Variants in CACNG3 observed in about 807,000 individuals in gnomAD.
CACNG3 encodes the protein calcium voltage-gated channel auxiliary subunit gamma 3.
A neutral mutation model predicts 28.5 loss-of-function variants in CACNG3; 3 were observed. The ratio of observed to expected loss-of-function variants is 0.11; its 90% CI spans 0.05 to 0.27. The LOEUF is 0.27. CACNG3 is among the 10% of genes least tolerant of loss of function. The pLI is 1.00. For missense variants in CACNG3, 236 were observed against 414.4 expected (o/e 0.57, Z 3.74); for synonymous variants, 174 against 162.2 (o/e 1.07, Z -0.55).
intron 1 of CACNG3, among the ~76,000 whole-genome samples, chr16:24,327,850 GA>G (rs1257062775): frequency 3.9e-5 from 6 of 152,096 alleles, no homozygotes; most frequent in Middle Eastern, 3.4e-3. Flanking sequence ...GCTGAGGCAG[GA>G]AAATCACTTG....
At chr16:24,347,205 C>T (rs1316634935) in intron 2 of CACNG3, among the ~76,000 whole-genome samples, 1 of 152,100 alleles carries the variant, frequency 6.6e-6, no homozygotes, top group Non-Finnish European at 1.5e-5. Flanking sequence ...GTAGTCCTAG[C>T]TACTCAGGAG....
chr16:24,309,003 A>C (rs536637462), intron 1 of CACNG3, among the ~76,000 whole-genome samples: 12 of 152,218 alleles, frequency 7.9e-5, no homozygotes, highest in African/African-American at 2.9e-4. Flanking sequence ...GCAGCCCTTT[A>C]GATAGTTATT....
At chr16:24,269,429 T>G (rs1056829633) in intron 1 of CACNG3, among the ~76,000 whole-genome samples, 1 of 152,090 alleles carries the variant, frequency 6.6e-6, no homozygotes, top group Non-Finnish European at 1.5e-5. Flanking sequence ...TTCAGCAGCC[T>G]GTAGTTTGAG....
rs114116542 is a variant in CACNG3, at chr16:24,311,164, C to T, written c.212-35570C>T. On this transcript the variant is annotated intron_variant, in intron 1 of 3. Transcript: ENST00000005284. Reference sequence around the variant, plus strand: ...TGTCCCAATTTTGTCATCTGTAAAACGCGGACAGTGTTAATATCCCATGGG... The same window carrying T: ...TGTCCCAATTTTGTCATCTGTAAAATGCGGACAGTGTTAATATCCCATGGG... Among the ~76,000 whole-genome samples, 1,057 of 152,290 alleles carry T rather than the reference C, an allele frequency of 6.9e-3. 13 individuals carry two copies. The highest frequency in any genetic ancestry group is 0.024 in the African/African-American group (987 of 41,550).
At chr16:24,312,239 T>G (rs1899273642) in intron 1 of CACNG3, among the ~76,000 whole-genome samples, 2 of 152,204 alleles carry the variant, frequency 1.3e-5, no homozygotes, top group African/African-American at 4.8e-5. Flanking sequence ...CACAAGTCCC[T>G]CCAACTCTTC....
In CACNG3 at chr16:24,359,803, C is replaced by T. The variant is rs73556445; in HGVS notation, c.437-1549C>T. ...CCTTTAGCCCAGGAGGTTGAGGTTA[C>T]AATGAGCTATAATTGTTCCACTGCA... is the stretch of plus-strand genomic sequence containing the variant. On this transcript the variant is annotated intron_variant, in intron 3 of 3. Transcript: ENST00000005284. Among the ~76,000 whole-genome samples the T allele has an allele frequency of 9.6e-3, 1,454 of 152,192 alleles. 21 individuals carry two copies. The highest frequency in any genetic ancestry group is 0.033 in the African/African-American group (1,377 of 41,528).
intron 1 of CACNG3, among the ~76,000 whole-genome samples, chr16:24,276,484 T>C (rs183876046): frequency 1.7e-4 from 26 of 152,374 alleles, no homozygotes; most frequent in Middle Eastern, 6.8e-3. Flanking sequence ...ACTAACTTCA[T>C]ATAGTTGAGG....
At chr16:24,346,688 G>A (rs1899872840) in intron 1 of CACNG3, 46 bp from the exon 2 acceptor site, 2 of 1,432,860 alleles carry the variant, frequency 1.4e-6, no homozygotes, top group Non-Finnish European at 2.0e-6. Context: ...GGCCCCCAGA[G>A]CTCTGTCTCC....
intron 1 of CACNG3, among the ~76,000 whole-genome samples, chr16:24,288,554 G>A (rs1453026781): frequency 3.9e-5 from 6 of 152,128 alleles, no homozygotes; most frequent in South Asian, 2.1e-4. Flanking sequence ...CAGAAGGCCA[G>A]GCCTTTGGAA....
intron 1 of CACNG3, among the ~76,000 whole-genome samples, chr16:24,342,718 A>T (rs1389711116): frequency 6.6e-6 from 1 of 152,232 alleles, no homozygotes; most frequent in Non-Finnish European, 1.5e-5. Context: ...AATGGGCACG[A>T]TTGTGTTTCA....
intron 1 of CACNG3, among the ~76,000 whole-genome samples, chr16:24,257,381 GAGA>G (rs1898476918): frequency 1.4e-5 from 1 of 70,882 alleles, no homozygotes; most frequent in East Asian, 5.1e-4. Flanking sequence ...GAGAGAGAGA[GAGA>G]GAGAGAGAGA....
chr16:24,268,416 G>A (rs1329533832), intron 1 of CACNG3, among the ~76,000 whole-genome samples: 1 of 152,144 alleles, frequency 6.6e-6, no homozygotes, highest in African/African-American at 2.4e-5. Flanking sequence ...ACCTGGGCTG[G>A]TGGGTTGGGT....
rs547652837 is a variant in CACNG3 at position 24,296,485 on chromosome 16, C to A, written c.211+39520C>A. Among the ~76,000 whole-genome samples the A allele has an allele frequency of 3.9e-5, 6 of 152,248 alleles. No individual in the cohort carries two copies. In the South Asian group the frequency reaches 6.2e-4, roughly 16 times the overall value. On this transcript the variant is annotated intron_variant, in intron 1 of 3. Transcript: ENST00000005284. ...AGCTGCTCACGGGACTGTGGCGATA[C>A]TACCGTTATCTCTGAAGACACTCCT... is the stretch of plus-strand genomic sequence containing the variant.
In CACNG3 at chr16:24,346,803, C is replaced by A; in HGVS notation, c.281C>A (p.Ala94Asp). ...GATGCTGACTACGAACAGGACACAG[C>A]CGAATATCTCCTGCGTAAGTTCCCC... ...PEDADYEQDT[A>D]EYLLRAVRAS... The change falls in exon 2 of 4, where the codon GCC becomes GAC. Residue 94 changes from alanine to aspartate, a missense_variant. Coordinates refer to ENST00000005284, the MANE Select transcript of CACNG3 (RefSeq NM_006539.4). 1 of 1,613,808 alleles carries A rather than the reference C, an allele frequency of 6.2e-7. No individual in the cohort carries two copies. Among genetic ancestry groups the A allele is most frequent in the Non-Finnish European group, 8.5e-7 (1 of 1,179,672 alleles).
At chr16:24,289,135 C>T (rs1300445515) in intron 1 of CACNG3, among the ~76,000 whole-genome samples, 1 of 152,080 alleles carries the variant, frequency 6.6e-6, no homozygotes, top group Non-Finnish European at 1.5e-5. Flanking sequence ...TGGAAGTAAA[C>T]AGCATCCCTC....
intron 1 of CACNG3, among the ~76,000 whole-genome samples, chr16:24,268,947 A>G (rs567572178): frequency 6.6e-6 from 1 of 152,318 alleles, no homozygotes; most frequent in East Asian, 1.9e-4. Flanking sequence ...AACATAGACG[A>G]TGCGAATCTG....
chr16:24,262,793 A>G (rs772309366), intron 1 of CACNG3, among the ~76,000 whole-genome samples: 1 of 152,256 alleles, frequency 6.6e-6, no homozygotes, highest in Non-Finnish European at 1.5e-5. Context: ...CTTAGGAAGT[A>G]GATGCCTTGA....
intron 1 of CACNG3, among the ~76,000 whole-genome samples, chr16:24,303,680 G>A (rs143047098): frequency 1.3e-5 from 2 of 152,222 alleles, no homozygotes; most frequent in East Asian, 3.9e-4. Flanking sequence ...AGAATTGGGA[G>A]GCGGAGACAG....
At chr16:24,269,504 C>G (rs1022653593) in intron 1 of CACNG3, among the ~76,000 whole-genome samples, 11 of 152,168 alleles carry the variant, frequency 7.2e-5, no homozygotes, top group Admixed American at 1.3e-4. Flanking sequence ...GTGATCCCAG[C>G]AGTTTGGGAG....
Sources: gnomAD v4.1 joint callset for allele counts (sites outside exome capture counted in the v4.1 genomes callset) on GRCh38, gnomAD v4.1.1 for gene constraint, MANE v1.5 for transcripts, NCBI Gene and HGNC (gene_info 2026-07-23, HGNC 2026-07-21) for gene names.